Variants in DLGAP2 observed in about 807,000 individuals in gnomAD.
DLGAP2 encodes the protein disks large-associated protein 2.
In DLGAP2, 26 loss-of-function variants were observed where a neutral mutation model predicts 100.3. The ratio of observed to expected loss-of-function variants is 0.26; its 90% CI spans 0.19 to 0.36. The LOEUF is 0.36. Among genes scored for constraint, DLGAP2 ranks in the 10% least tolerant of loss-of-function variants. The probability of loss-of-function intolerance (pLI) is 1.00; values close to 1 mark genes in which losing one functional copy is unlikely to be tolerated. For missense variants in DLGAP2, 1,858 were observed against 1,453.2 expected (o/e 1.28, Z -4.53); for synonymous variants, 886 against 630.1 (o/e 1.41, Z -6.08).
chr8:1,431,218 C>G (rs888599346), intron 3 of DLGAP2, among the ~76,000 whole-genome samples: 2 of 152,336 alleles, frequency 1.3e-5, no homozygotes, highest in African/African-American at 4.8e-5. Flanking sequence ...GCAAAAGTTA[C>G]ATTTTCTGTC....
intron 2 of DLGAP2, among the ~76,000 whole-genome samples, chr8:919,173 G>A (rs962308108): frequency 6.6e-6 from 1 of 152,126 alleles, no homozygotes; most frequent in Admixed American, 6.5e-5. Flanking sequence ...TATTTGACCC[G>A]AAATGGAAAG....
chr8:1,055,845 A>G (rs1802867059), intron 2 of DLGAP2, among the ~76,000 whole-genome samples: 1 of 152,192 alleles, frequency 6.6e-6, no homozygotes, highest in South Asian at 2.1e-4. Context: ...CCTGATTCTT[A>G]CTTCAAGGAT....
chr8:1,489,656 G>A (rs1799321155), intron 3 of DLGAP2, among the ~76,000 whole-genome samples: 3 of 152,274 alleles, frequency 2.0e-5, no homozygotes, highest in South Asian at 2.1e-4. Flanking sequence ...AATAAAACAC[G>A]GCCATAATTC....
intron 1 of DLGAP2, among the ~76,000 whole-genome samples, chr8:869,404 A>G (rs893853809): frequency 1.3e-5 from 2 of 152,204 alleles, no homozygotes; most frequent in Non-Finnish European, 1.5e-5. Context: ...TCTAGCTGAA[A>G]GAATGCTGCG....
At chr8:855,976 G>A (rs530611014) in intron 1 of DLGAP2, among the ~76,000 whole-genome samples, 19 of 152,186 alleles carry the variant, frequency 1.2e-4, no homozygotes, top group Admixed American at 3.3e-4. Context: ...GGAGCATCCC[G>A]CAGAGATCAG....
intron 6 of DLGAP2, chr8:1,620,026 A>G (rs1310972058): frequency 1.3e-5 from 2 of 152,196 alleles, no homozygotes; most frequent in Admixed American, 6.5e-5. Context: ...TTCTAAAAAT[A>G]AATGTTCACG....
chr8:1,246,496 A>C (rs1221437849), intron 2 of DLGAP2, among the ~76,000 whole-genome samples: 1 of 152,176 alleles, frequency 6.6e-6, no homozygotes, highest in Non-Finnish European at 1.5e-5. Flanking sequence ...AGCAGCACAG[A>C]GCCATTGGAT....
At chr8:1,120,378 A>T (rs1796009752) in intron 2 of DLGAP2, among the ~76,000 whole-genome samples, 1 of 152,206 alleles carries the variant, frequency 6.6e-6, no homozygotes. Context: ...ATTTGTGAAC[A>T]CTAACCCTAG....
intron 1 of DLGAP2, among the ~76,000 whole-genome samples, chr8:896,767 C>T (rs1251594752): frequency 1.3e-5 from 2 of 152,142 alleles, no homozygotes; most frequent in Admixed American, 6.5e-5. Context: ...CTGCAGCCTC[C>T]AGAACTGTGA....
Position 1,684,584 on chromosome 8 carries a change from C to G in DLGAP2, c.2704+5955C>G, listed in dbSNP as rs1288215817. 2.6e-5 allele frequency among the ~76,000 whole-genome samples: 4 copies of G among 152,070 alleles called. 1 individual carries two copies. Among genetic ancestry groups the G allele is most frequent in the African/African-American group, 9.7e-5 (4 of 41,366 alleles). Reference sequence around the variant, plus strand: ...AGTTCCCCGAACTGATTGAATGAATCTAGATTCAGTCAGTCTTCTATGGTT... The same window carrying G: ...AGTTCCCCGAACTGATTGAATGAATGTAGATTCAGTCAGTCTTCTATGGTT... On this transcript the variant is annotated intron_variant, in intron 12 of 14. Coordinates refer to ENST00000637795, the MANE Select transcript of DLGAP2 (RefSeq NM_001346810.2).
chr8:881,945 T>A (rs776517141), intron 1 of DLGAP2, among the ~76,000 whole-genome samples: 10 of 152,168 alleles, frequency 6.6e-5, no homozygotes, highest in Admixed American at 2.6e-4. Flanking sequence ...CATTCCAGGA[T>A]ATCTGAGTCC....
chr8:1,583,198 G>T (rs1796001073), intron 6 of DLGAP2, among the ~76,000 whole-genome samples: 1 of 152,216 alleles, frequency 6.6e-6, no homozygotes, highest in Non-Finnish European at 1.5e-5. Context: ...ATGTTTGTGA[G>T]TAGGCTATTT....
At chr8:1,419,201 CGTGCGTGTGT>C (rs146223654) in intron 3 of DLGAP2, among the ~76,000 whole-genome samples, 28,024 of 133,306 alleles carry the variant, frequency 0.21, 3,119 homozygotes, top group East Asian at 0.33. Context: ...CACTCTGATG[CGTGCGTGTGT>C]GTGTGTGTGT....
chr8:794,400 C>T (rs1338491245), intron 1 of DLGAP2, among the ~76,000 whole-genome samples: 2 of 152,164 alleles, frequency 1.3e-5, no homozygotes, highest in African/African-American at 4.8e-5. Flanking sequence ...GAGCCCCAAA[C>T]AGAGATTTAC....
chr8:1,520,737 C>T (rs1022113092), intron 4 of DLGAP2, among the ~76,000 whole-genome samples: 1 of 152,274 alleles, frequency 6.6e-6, no homozygotes, highest in South Asian at 2.1e-4. Context: ...AATAATATTC[C>T]ACTGCCTGAT....
intron 2 of DLGAP2, among the ~76,000 whole-genome samples, chr8:1,010,792 T>C (rs1006289770): frequency 2.0e-5 from 3 of 152,184 alleles, no homozygotes; most frequent in Non-Finnish European, 4.4e-5. Flanking sequence ...TTAGTTAAAC[T>C]TTAAAAACAC....
chr8:971,236 T>C (rs917462068), intron 2 of DLGAP2, among the ~76,000 whole-genome samples: 6 of 152,204 alleles, frequency 3.9e-5, no homozygotes, highest in Non-Finnish European at 5.9e-5. Context: ...TAAAGAACTC[T>C]TGTAACTTAA....
chr8:1,326,614 C>G (rs1463436130), intron 3 of DLGAP2, among the ~76,000 whole-genome samples: 1 of 152,138 alleles, frequency 6.6e-6, no homozygotes, highest in Non-Finnish European at 1.5e-5. Context: ...CGGTCTCAGT[C>G]TTGGTCTGGG....
At chr8:852,779 C>T (rs1284593172) in intron 1 of DLGAP2, among the ~76,000 whole-genome samples, 1 of 152,220 alleles carries the variant, frequency 6.6e-6, no homozygotes, top group African/African-American at 2.4e-5. Context: ...CTTGGGAAAT[C>T]TAAGTAGCAC....
Sources: allele counts gnomAD v4.1 joint callset (sites outside exome capture counted in the v4.1 genomes callset), GRCh38; gene constraint gnomAD v4.1.1; transcripts MANE v1.5; gene names NCBI Gene and HGNC (gene_info 2026-07-23, HGNC 2026-07-21).